IQSEC1: variants seen among roughly 807,000 people sequenced by gnomAD.
IQSEC1 encodes IQ motif and Sec7 domain ArfGEF 1, also known as IQ motif and SEC7 domain-containing protein 1.
Under a neutral mutation model 91.0 loss-of-function variants are expected in IQSEC1, and 31 were observed. The ratio of observed to expected loss-of-function variants is 0.34; its 90% CI spans 0.26 to 0.46. The LOEUF (loss-of-function observed/expected upper bound fraction) is 0.46. Among genes scored for constraint, IQSEC1 ranks in the 20% least tolerant of loss-of-function variants. The pLI, the probability that IQSEC1 is intolerant of heterozygous loss-of-function variation, is 1.00. For synonymous variants in IQSEC1, 699 were observed against 662.6 expected (o/e 1.05, Z -0.84); for missense variants, 1,388 against 1,575.6 (o/e 0.88, Z 2.02).
At chr3:12,974,309 T>A (rs1701051087) in intron 1 of IQSEC1, among the ~76,000 whole-genome samples, 2 of 152,132 alleles carry the variant, frequency 1.3e-5, no homozygotes, top group African/African-American at 2.4e-5. Context: ...TGATTCTAGG[T>A]CCTCGGTGAC....
chr3:12,915,678 C>G lies in IQSEC1; in HGVS notation c.2076G>C (p.Arg692=), dbSNP rs1696014766. The G allele has an allele frequency of 6.2e-7, 1 of 1,614,184 alleles. No individual in the cohort carries two copies. Among genetic ancestry groups the G allele is most frequent in the Non-Finnish European group, 8.5e-7 (1 of 1,180,024 alleles). Residue 692 remains arginine (R), a synonymous_variant, in exon 7 of 14, where the codon CGG becomes CGC. Coordinates refer to ENST00000613206, the MANE Select transcript of IQSEC1 (RefSeq NM_001134382.3). The stretch of plus-strand genomic sequence containing the variant: ...TGGTCTTTAGCTCTCGCTTACGGAT[C>G]CGTTCATAGATCCCCATCAGCATCT... ...PREMLMGIYE[R]IRKRELKTNE... is the part of the protein sequence containing the mutation.
chr3:13,020,231 G>T (rs1703336782), intron 1 of IQSEC1, among the ~76,000 whole-genome samples: 1 of 152,234 alleles, frequency 6.6e-6, no homozygotes, highest in Non-Finnish European at 1.5e-5. Flanking sequence ...CACCCACCCA[G>T]GAGGTCTATC....
At chr3:13,258,902 T>C (rs1285671203) in intron 1 of IQSEC1, among the ~76,000 whole-genome samples, 1 of 152,076 alleles carries the variant, frequency 6.6e-6, no homozygotes, top group Non-Finnish European at 1.5e-5. Context: ...ACCCACTCCA[T>C]CTGGGATTCT....
At chr3:13,055,159 C>A (rs1704830686) in intron 1 of IQSEC1, among the ~76,000 whole-genome samples, 1 of 152,232 alleles carries the variant, frequency 6.6e-6, no homozygotes, top group Non-Finnish European at 1.5e-5. Context: ...GCCTGCACAC[C>A]CCTCCATCCT....
At chr3:13,231,869 C>T (rs1018343137) in intron 1 of IQSEC1, among the ~76,000 whole-genome samples, 4 of 152,230 alleles carry the variant, frequency 2.6e-5, no homozygotes, top group African/African-American at 7.2e-5. Flanking sequence ...ACTCACACCC[C>T]CTTTGGCGAT....
intron 1 of IQSEC1, among the ~76,000 whole-genome samples, chr3:13,239,577 C>T (rs892651690): frequency 3.9e-5 from 6 of 152,226 alleles, no homozygotes; most frequent in African/African-American, 1.4e-4. Flanking sequence ...CAAAGCTGCC[C>T]GCCCCTTGGG....
intron 1 of IQSEC1, among the ~76,000 whole-genome samples, chr3:13,012,963 G>GTTTTTTTTTTTTTTTTTT (rs1269672691): frequency 2.4e-5 from 1 of 40,950 alleles, no homozygotes; most frequent in African/African-American, 1.9e-4. Context: ...GAAAGTCTGG[G>GTTTTTTTTTTTTTTTTTT]CTTTTTTTTT....
intron 2 of IQSEC1, among the ~76,000 whole-genome samples, chr3:13,098,401 C>G (rs947299236): frequency 2.0e-5 from 3 of 152,222 alleles, no homozygotes; most frequent in African/African-American, 7.2e-5. Flanking sequence ...TTGAAGGATG[C>G]AGAGGAGTTC....
intron 2 of IQSEC1, among the ~76,000 whole-genome samples, chr3:13,110,936 GA>G (rs1334446737): frequency 6.6e-6 from 1 of 152,190 alleles, no homozygotes; most frequent in East Asian, 1.9e-4. Flanking sequence ...TGCCTGGGGG[GA>G]ATTACCGCAC....
intron 1 of IQSEC1, among the ~76,000 whole-genome samples, chr3:13,279,855 T>G (rs144471434): frequency 5.5e-4 from 84 of 152,290 alleles, no homozygotes; most frequent in African/African-American, 1.8e-3. Flanking sequence ...GGGAAACCCA[T>G]GCTCAACCCC....
intron 2 of IQSEC1, among the ~76,000 whole-genome samples, chr3:13,097,151 C>T (rs1280502552): frequency 2.0e-5 from 3 of 152,162 alleles, no homozygotes; most frequent in African/African-American, 4.8e-5. Context: ...TGAGCCACCG[C>T]GCCCGGCCTA....
At chr3:13,105,114 G>C (rs1159954751) in intron 2 of IQSEC1, among the ~76,000 whole-genome samples, 1 of 152,130 alleles carries the variant, frequency 6.6e-6, no homozygotes. Flanking sequence ...GAACTCTCTG[G>C]CTCGGCATTC....
At chr3:13,066,493 G>C (rs1185887422) in intron 1 of IQSEC1, among the ~76,000 whole-genome samples, 7 of 152,256 alleles carry the variant, frequency 4.6e-5, no homozygotes, top group Non-Finnish European at 1.0e-4. Context: ...AGGCTGGGCT[G>C]TGAGGTCTGA....
chr3:12,973,948 G>A (rs974529212), intron 1 of IQSEC1, among the ~76,000 whole-genome samples: 1 of 152,164 alleles, frequency 6.6e-6, no homozygotes, highest in South Asian at 2.1e-4. Flanking sequence ...AAGACCCGTC[G>A]TGGTTTGAGG....
chr3:13,242,353 A>T (rs1695034653), intron 1 of IQSEC1, among the ~76,000 whole-genome samples: 1 of 152,070 alleles, frequency 6.6e-6, no homozygotes, highest in Non-Finnish European at 1.5e-5. Context: ...TTTGACATAG[A>T]ATTTTCCCAA....
chr3:12,938,968 A>G (rs1405239248), intron 2 of IQSEC1, among the ~76,000 whole-genome samples: 1 of 152,182 alleles, frequency 6.6e-6, no homozygotes, highest in Non-Finnish European at 1.5e-5. Context: ...ACCGTGGGTC[A>G]TTCTTCTTTC....
Position 13,249,610 on chromosome 3 carries a change from C to T in IQSEC1, c.272+33101G>A, listed in dbSNP as rs553843467. On this transcript the variant is annotated intron_variant, in intron 1 of 15. Coordinates refer to the IQSEC1 transcript ENST00000648114. ...ACCAATACGGAGCTGTTATGGAGTT[C>T]GAATACCAGCTTGGGTTCGAATACC... is the stretch of plus-strand genomic sequence containing the variant. Among the ~76,000 whole-genome samples, 10 of 152,190 alleles carry T rather than the reference C, an allele frequency of 6.6e-5. No individual in the cohort carries two copies. The East Asian group carries it at 1.9e-3, about 29-fold the overall frequency.
chr3:13,093,656 C>T (rs1328130491), intron 2 of IQSEC1, among the ~76,000 whole-genome samples: 4 of 152,136 alleles, frequency 2.6e-5, no homozygotes, highest in South Asian at 2.1e-4. Context: ...AAACCCTGGA[C>T]AAGGGGACAC....
chr3:12,959,273 C>T (rs1275586385), intron 1 of IQSEC1, among the ~76,000 whole-genome samples: 2 of 152,154 alleles, frequency 1.3e-5, no homozygotes, highest in South Asian at 2.1e-4. Context: ...GTGGCAGGGG[C>T]GCAGCCTGGC....
Sources: allele counts gnomAD v4.1 joint callset (sites outside exome capture counted in the v4.1 genomes callset), GRCh38; gene constraint gnomAD v4.1.1; transcripts MANE v1.5; gene names NCBI Gene and HGNC (gene_info 2026-07-23, HGNC 2026-07-21).